The following SLC9B1 variants were observed in gnomAD, a reference collection of about 807,000 sequenced individuals.
The protein encoded by SLC9B1 is sodium/hydrogen exchanger 9B1.
Under a neutral mutation model 51.7 loss-of-function variants are expected in SLC9B1, and 32 were observed. The ratio of observed to expected loss-of-function variants is 0.62; its 90% confidence interval spans 0.47 to 0.83. The LOEUF is 0.83. SLC9B1 is among the 40% of genes least tolerant of loss of function. The pLI is 0.00. For synonymous variants in SLC9B1, 145 were observed against 212.7 expected, an observed-to-expected ratio of 0.68 and a Z score of 2.77; for missense variants, 406 against 613.2, an observed-to-expected ratio of 0.66 and a Z score of 3.57.
chr4:102,932,231 T>A lies in SLC9B1; in HGVS notation c.722A>T (p.Tyr241Phe). Residue 241 changes from tyrosine to phenylalanine, a missense_variant, in exon 7 of 12, where the codon TAT becomes TTT. Transcript: ENST00000296422. ...PYMMVLQENGYGVEEGIPTLL... is the reference protein window; with the variant it reads ...PYMMVLQENGFGVEEGIPTLL... ...GGTTGGAATGCCTTCCTCAACACCA[T>A]ATCCATTTTCTTGCAGCACCATCAT... The A allele has an allele frequency of 6.2e-7, 1 of 1,611,892 alleles. No individual in the cohort carries two copies. Among genetic ancestry groups the A allele is most frequent in the South Asian group, 1.1e-5 (1 of 90,986 alleles).
intron 6 of SLC9B1, among the ~76,000 whole-genome samples, chr4:102,942,567 A>G (rs1392903612): frequency 6.6e-6 from 1 of 152,148 alleles, no homozygotes; most frequent in Non-Finnish European, 1.5e-5. Flanking sequence ...ACAAAAACAT[A>G]AAGTTGGGAA....
chr4:102,978,404 G>T (rs1739188227), intron 3 of SLC9B1, among the ~76,000 whole-genome samples: 1 of 152,098 alleles, frequency 6.6e-6, no homozygotes, highest in Non-Finnish European at 1.5e-5. Flanking sequence ...GAAAATTTTT[G>T]CAATCTACTC....
At chr4:103,007,707 T>C (rs1740862973) in intron 1 of SLC9B1, among the ~76,000 whole-genome samples, 1 of 151,074 alleles carries the variant, frequency 6.6e-6, no homozygotes, top group African/African-American at 2.4e-5. Flanking sequence ...CCAGCTCAAG[T>C]GATCCTCCCA....
chr4:102,932,059 C>T, intron 7 of SLC9B1, 65 bp downstream of exon 7: 1 of 1,485,208 alleles, frequency 6.7e-7, no homozygotes, highest in Non-Finnish European at 9.4e-7. Context: ...AGCCAGAAAC[C>T]CTGTTTAAAG....
chr4:102,909,832 TA>T (rs1367541516), intron 9 of SLC9B1, among the ~76,000 whole-genome samples: 1 of 147,208 alleles, frequency 6.8e-6, no homozygotes, highest in African/African-American at 2.5e-5. Context: ...ATTATTTATT[TA>T]TTTTTTTGTG....
chr4:102,985,225 G>T (rs1161502359), intron 3 of SLC9B1, among the ~76,000 whole-genome samples: 1 of 152,020 alleles, frequency 6.6e-6, no homozygotes, highest in Non-Finnish European at 1.5e-5. Context: ...AAAACACATA[G>T]TTCGGTCTTA....
At chr4:103,015,415 T>C (rs1741266976) in intron 1 of SLC9B1, among the ~76,000 whole-genome samples, 1 of 152,058 alleles carries the variant, frequency 6.6e-6, no homozygotes. Context: ...AAAGTCAAGA[T>C]ATCTGGGCTC....
intron 1 of SLC9B1, among the ~76,000 whole-genome samples, chr4:103,015,281 CAAAAAAAA>C (rs201798527): frequency 1.5e-5 from 1 of 67,858 alleles, no homozygotes; most frequent in Non-Finnish European, 3.2e-5. Context: ...ATGTATGGAC[CAAAAAAAA>C]AAAAAAAAAA....
chr4:102,931,332 A>C (rs1736448293), intron 7 of SLC9B1, among the ~76,000 whole-genome samples: 1 of 151,270 alleles, frequency 6.6e-6, no homozygotes, highest in Non-Finnish European at 1.5e-5. Flanking sequence ...AGGGAAAGGA[A>C]GAAGGGAAGA....
At chr4:102,899,300 A>G (rs1734679394), downstream of SLC9B1, among the ~76,000 whole-genome samples, 9 of 150,980 alleles carry the variant, frequency 6.0e-5, no homozygotes. Context: ...CAATAACACA[A>G]TTCCTCATTT....
intron 3 of SLC9B1, among the ~76,000 whole-genome samples, chr4:102,960,709 A>G (rs927051466): frequency 5.3e-5 from 8 of 151,312 alleles, no homozygotes; most frequent in African/African-American, 1.7e-4. Context: ...AGAAATTTTC[A>G]TTAAGCTTTA....
chr4:103,018,512 G>A lies in SLC9B1; in HGVS notation c.-2+1087C>T, dbSNP rs1348223624. On this transcript the variant is annotated intron_variant, in intron 1 of 11. Coordinates refer to ENST00000296422, the MANE Select transcript of SLC9B1 (RefSeq NM_139173.4). ...AATTCTCTAGGGGTGACAATAATAAGTGTCATTTTTCATGCTTCTGTTGCA... is the reference window on the plus strand; with the variant it reads ...AATTCTCTAGGGGTGACAATAATAAATGTCATTTTTCATGCTTCTGTTGCA... Among the ~76,000 whole-genome samples, 10 of 152,168 alleles carry A rather than the reference G, an allele frequency of 6.6e-5. No individual in the cohort carries two copies. In the East Asian group the frequency reaches 1.9e-3, roughly 29 times the overall value.
chr4:102,956,740 T>C (rs1300791888), intron 3 of SLC9B1, among the ~76,000 whole-genome samples: 2 of 152,056 alleles, frequency 1.3e-5, no homozygotes, highest in African/African-American at 2.4e-5. Flanking sequence ...CAATCACAAA[T>C]AAAAACCAAA....
At chr4:102,968,297 T>C (rs1336358990) in intron 3 of SLC9B1, among the ~76,000 whole-genome samples, 1 of 152,230 alleles carries the variant, frequency 6.6e-6, no homozygotes, top group Non-Finnish European at 1.5e-5. Context: ...GTTATTCATT[T>C]ACAAAAACTA....
chr4:102,895,529 C>CA (rs991804277), intron 11 of SLC9B1, among the ~76,000 whole-genome samples: 32 of 151,652 alleles, frequency 2.1e-4, no homozygotes, highest in South Asian at 4.2e-4. Flanking sequence ...GAGTAGTGAA[C>CA]AAAAAAAGGA....
At chr4:102,995,564 T>C (rs1740171156) in intron 1 of SLC9B1, among the ~76,000 whole-genome samples, 1 of 152,130 alleles carries the variant, frequency 6.6e-6, no homozygotes, top group African/African-American at 2.4e-5. Context: ...GTCTGAATAA[T>C]AGATGCACAG....
intron 1 of SLC9B1, among the ~76,000 whole-genome samples, chr4:103,003,482 T>C (rs939886597): frequency 6.6e-6 from 1 of 152,218 alleles, no homozygotes; most frequent in Non-Finnish European, 1.5e-5. Flanking sequence ...ATAAATATCT[T>C]AAACTATCTT....
intron 3 of SLC9B1, among the ~76,000 whole-genome samples, chr4:102,968,208 C>A (rs1443818035): frequency 6.6e-6 from 1 of 152,140 alleles, no homozygotes. Context: ...CATAAATAGT[C>A]AATTGATTTT....
rs1560945506 is a variant in SLC9B1 at position 102,947,966 on chromosome 4, A to AGTGATGGTGGTTACAGCG, written c.383-1178_383-1177insCGCTGTAACCACCATCAC. Among the ~76,000 whole-genome samples the AGTGATGGTGGTTACAGCG allele has an allele frequency of 4.0e-5, 6 of 151,080 alleles. No homozygotes were observed. The East Asian group carries it at 7.8e-4, about 20-fold the overall frequency. On this transcript the variant is annotated intron_variant, in intron 4 of 11. Coordinates refer to ENST00000296422, the MANE Select transcript of SLC9B1 (RefSeq NM_139173.4). ...TTACTTAATTTTTGGTGAATCCATG[A>AGTGATGGTGGTTACAGCG]GTGATGGTGGTTATAGCGGTGATGG... is the stretch of plus-strand genomic sequence containing the variant.
Sources: gnomAD v4.1 joint callset for allele counts (sites outside exome capture counted in the v4.1 genomes callset) on GRCh38, gnomAD v4.1.1 for gene constraint, MANE v1.5 for transcripts, NCBI Gene and HGNC (gene_info 2026-07-23, HGNC 2026-07-21) for gene names.